ST3GAL2: variants seen among roughly 807,000 people sequenced by gnomAD.
ST3GAL2 encodes CMP-N-acetylneuraminate-beta-galactosamide-alpha-2,3-sialyltransferase 2.
In ST3GAL2, 16 loss-of-function variants were observed where a neutral mutation model predicts 37.5. The observed-to-expected ratio is 0.43, with a 90% CI of 0.29 to 0.65. ST3GAL2 has a LOEUF of 0.65. Among genes scored for constraint, ST3GAL2 ranks in the 30% least tolerant of loss-of-function variants. The pLI, the probability that ST3GAL2 is intolerant of heterozygous loss-of-function variation, is 0.17. For synonymous variants in ST3GAL2, 238 were observed against 202.9 expected, an observed-to-expected ratio of 1.17 and a Z score of -1.47; for missense variants, 383 against 487.8, an observed-to-expected ratio of 0.79 and a Z score of 2.02.
At chr16:70,412,093 A>AT (rs1205010415) in intron 1 of ST3GAL2, among the ~76,000 whole-genome samples, 2 of 152,088 alleles carry the variant, frequency 1.3e-5, no homozygotes, top group Non-Finnish European at 2.9e-5. Context: ...TCAGGGGTTT[A>AT]CTTTTCTTCT....
intron 1 of ST3GAL2, among the ~76,000 whole-genome samples, chr16:70,408,693 C>T (rs992364800): frequency 6.6e-6 from 1 of 151,766 alleles, no homozygotes; most frequent in African/African-American, 2.4e-5. Flanking sequence ...TCTGAAATCT[C>T]AGCTCTGGTA....
intron 1 of ST3GAL2, among the ~76,000 whole-genome samples, chr16:70,432,607 T>C (rs965903389): frequency 1.5e-4 from 23 of 152,206 alleles, no homozygotes; most frequent in African/African-American, 5.1e-4. Context: ...CTGATGAGCA[T>C]GGCATAACTG....
At chr16:70,386,126 T>A (rs932924030) in intron 4 of ST3GAL2, among the ~76,000 whole-genome samples, 1 of 152,140 alleles carries the variant, frequency 6.6e-6, no homozygotes, top group Non-Finnish European at 1.5e-5. Context: ...GTTCGAGCGA[T>A]TCTCCTGCCT....
intron 1 of ST3GAL2, among the ~76,000 whole-genome samples, chr16:70,426,796 C>G (rs544545760): frequency 1.8e-4 from 28 of 152,278 alleles, no homozygotes; most frequent in African/African-American, 6.5e-4. Context: ...AGGCGTGAGC[C>G]ACCGCGCCTG....
At position 70,398,393 on chromosome 16, in the gene ST3GAL2, G is replaced by A. The variant is rs778073249; in HGVS notation, c.138C>T (p.His46=). Residue 46 remains histidine, a synonymous_variant, in exon 2 of 7, where the codon CAC becomes CAT. Coordinates refer to ENST00000342907, the MANE Select transcript of ST3GAL2 (RefSeq NM_006927.4). ...CATAGCCGGGCACCAGCTTCACCCG[G>A]TGCGTCCCATCCAGGGCCCCTGAGT... ...YLDSGALDGT[H]RVKLVPGYAG... 7 of 1,613,644 alleles carry A rather than the reference G, an allele frequency of 4.3e-6. No homozygotes were observed. In the Admixed American group the frequency reaches 6.7e-5, roughly 15 times the overall value.
At chr16:70,420,019 C>CCT (rs2047703566) in intron 1 of ST3GAL2, among the ~76,000 whole-genome samples, 1 of 147,980 alleles carries the variant, frequency 6.8e-6, no homozygotes, top group African/African-American at 2.6e-5. Flanking sequence ...TGACCCCCCC[C>CCT]TTCCCTTTTT....
intron 1 of ST3GAL2, among the ~76,000 whole-genome samples, chr16:70,419,941 G>C (rs1272487815): frequency 6.6e-6 from 1 of 151,182 alleles, no homozygotes; most frequent in Non-Finnish European, 1.5e-5. Flanking sequence ...GGCCTACTTT[G>C]TACCAGGCAA....
Position 70,398,823 on chromosome 16 carries a change from T to C in ST3GAL2, c.-293A>G. 3.5e-6 allele frequency: 2 copies of C among 564,986 alleles called. No individual in the cohort carries two copies. The highest frequency in any genetic ancestry group is 3.7e-5 in the African/African-American group (2 of 53,562). 35.0% of individuals were successfully genotyped at this position (564,986 alleles called of 1,614,324 possible). ...AGAGGCTCTGCCTCTCCTGCCACCC[T>C]GGTGAGGGGGAGGTCAGTCCATTGC... On this transcript the variant is annotated 5_prime_UTR_variant, in exon 2 of 7. Transcript: ENST00000342907.
At chr16:70,423,643 C>T (rs1320840755) in intron 1 of ST3GAL2, among the ~76,000 whole-genome samples, 1 of 151,598 alleles carries the variant, frequency 6.6e-6, no homozygotes, top group Non-Finnish European at 1.5e-5. Context: ...TCAACTTCCA[C>T]TTCCTGATCT....
At chr16:70,433,198 A>T (rs1437166102) in intron 1 of ST3GAL2, among the ~76,000 whole-genome samples, 1 of 152,122 alleles carries the variant, frequency 6.6e-6, no homozygotes, top group Non-Finnish European at 1.5e-5. Context: ...TACTTTTGCA[A>T]GCTCTCTAGA....
chr16:70,379,249 A>G lies in ST3GAL2; in HGVS notation c.*2440T>C, dbSNP rs1228538091. On this transcript the variant is annotated 3_prime_UTR_variant, in exon 7 of 7. Coordinates refer to ENST00000342907, the MANE Select transcript of ST3GAL2 (RefSeq NM_006927.4). ...GGAGCTGCTACCAGGAATCCTCTCC[A>G]ATGAACTCCTCTCCTGGAGGAAACT... 2.0e-5 allele frequency: 3 copies of G among 152,320 alleles called. No homozygotes were observed. The East Asian group carries it at 5.8e-4, about 29-fold the overall frequency. 9.4% of individuals were successfully genotyped at this position (152,320 alleles called of 1,614,324 possible).
At chr16:70,403,304 G>A (rs1182488312) in intron 1 of ST3GAL2, among the ~76,000 whole-genome samples, 1 of 152,188 alleles carries the variant, frequency 6.6e-6, no homozygotes, top group Admixed American at 6.6e-5. Flanking sequence ...GCAACCTTGT[G>A]GATGGGGCTG....
At position 70,423,707 on chromosome 16, in the gene ST3GAL2, G is replaced by C. The variant is rs184904841; in HGVS notation, c.-1004+15242C>G. 5.8e-5 allele frequency among the ~76,000 whole-genome samples: 8 copies of C among 136,772 alleles called. No homozygotes were observed. The East Asian group carries it at 1.6e-3, about 28-fold the overall frequency. The allele number at this position is 136,772 out of a possible 152,430, so 89.7% of individuals were successfully genotyped here. The stretch of plus-strand genomic sequence containing the variant: ...TTTTTTTTTTTTGAGATGGAGTTTC[G>C]CTCTTTTTGCCCAGGCTGGAGTGCA... On this transcript the variant is annotated intron_variant, in intron 1 of 6. Transcript: ENST00000342907.
At chr16:70,392,971 T>C (rs1386948500) in intron 3 of ST3GAL2, among the ~76,000 whole-genome samples, 1 of 152,010 alleles carries the variant, frequency 6.6e-6, no homozygotes, top group African/African-American at 2.4e-5. Flanking sequence ...ATCCAGTTCC[T>C]CAGACCAGCA....
In ST3GAL2 at chr16:70,376,417, A is replaced by G. The variant is rs1176962620; in HGVS notation, c.*5272T>C. 2.6e-5 allele frequency: 4 copies of G among 152,184 alleles called. No individual in the cohort carries two copies. The highest frequency in any genetic ancestry group is 4.4e-5 in the Non-Finnish European group (3 of 68,060). 9.4% of individuals were successfully genotyped at this position (152,184 alleles called of 1,614,324 possible). On this transcript the variant is annotated 3_prime_UTR_variant, in exon 7 of 7. Transcript: ENST00000342907. ...CTGTGCTGTTCTCAGCAGCACAAAC[A>G]GTTGCTAGAGGAAAGGTGTTAATTC...
chr16:70,402,777 G>A (rs1220410581), intron 1 of ST3GAL2, among the ~76,000 whole-genome samples: 3 of 152,182 alleles, frequency 2.0e-5, no homozygotes, highest in African/African-American at 7.2e-5. Flanking sequence ...AGCCTCCTGA[G>A]TAGCTGGGAT....
intron 1 of ST3GAL2, among the ~76,000 whole-genome samples, chr16:70,421,975 G>A (rs1038113047): frequency 2.0e-5 from 3 of 152,082 alleles, no homozygotes; most frequent in African/African-American, 7.2e-5. Flanking sequence ...TTGCTATGCT[G>A]CCCAGGCTGG....
In ST3GAL2 at chr16:70,377,924, A is replaced by G. The variant is rs2151652565; in HGVS notation, c.*3765T>C. On this transcript the variant is annotated 3_prime_UTR_variant, in exon 7 of 7. Coordinates refer to ENST00000342907, the MANE Select transcript of ST3GAL2 (RefSeq NM_006927.4). The stretch of plus-strand genomic sequence containing the variant: ...AAGGTGTCTAGTAAGTACAAGATGA[A>G]ACATCACTTACCTAACTTCCCTTCC... 1 of 152,318 alleles carries G rather than the reference A, an allele frequency of 6.6e-6. No individual in the cohort carries two copies. The highest frequency in any genetic ancestry group is 2.4e-5 in the African/African-American group (1 of 41,572). The allele number at this position is 152,318 out of a possible 1,614,324, so 9.4% of individuals were successfully genotyped here.
chr16:70,423,327 G>A (rs980234715), intron 1 of ST3GAL2, among the ~76,000 whole-genome samples: 1 of 152,114 alleles, frequency 6.6e-6, no homozygotes, highest in Admixed American at 6.5e-5. Context: ...TGGCCAACAT[G>A]GTGAAATCCC....
Sources: allele counts gnomAD v4.1 joint callset (sites outside exome capture counted in the v4.1 genomes callset), GRCh38; gene constraint gnomAD v4.1.1; transcripts MANE v1.5; gene names NCBI Gene and HGNC (gene_info 2026-07-23, HGNC 2026-07-21).